Variants in AK5 observed in about 807,000 individuals in gnomAD.
AK5 encodes the protein adenylate kinase isoenzyme 5.
Under a neutral mutation model 69.5 loss-of-function variants are expected in AK5, and 27 were observed. That is an observed-to-expected ratio of 0.39 (90% CI 0.29 to 0.54). AK5 has a LOEUF of 0.54. Ranked by LOEUF, AK5 falls within the 20% of genes least tolerant of loss-of-function variation. The pLI is 0.71. For missense variants in AK5, 531 were observed against 700.4 expected (o/e 0.76, Z 2.73); for synonymous variants, 260 against 244.4 (o/e 1.06, Z -0.60).
intron 8 of AK5, among the ~76,000 whole-genome samples, chr1:77,443,765 G>T (rs1391224195): frequency 6.8e-6 from 1 of 147,596 alleles, no homozygotes; most frequent in Non-Finnish European, 1.5e-5. Flanking sequence ...TCTAAATCAA[G>T]AAAAATATTT....
rs1323848564 is a variant in AK5, at chr1:77,282,098, C to T, written c.-216C>T. 7.2e-6 allele frequency: 3 copies of T among 418,278 alleles called. No individual in the cohort carries two copies. The highest frequency in any genetic ancestry group is 2.1e-5 in the African/African-American group (1 of 48,086). 25.9% of individuals were successfully genotyped at this position (418,278 alleles called of 1,614,324 possible). ...GCAGCTCCGGCTCGGGGGCTGGAAC[C>T]GAAGCGGGGGCGGCGGGAGCGCGGA... is the stretch of plus-strand genomic sequence containing the variant. On this transcript the variant is annotated 5_prime_UTR_variant, in exon 1 of 14. Transcript: ENST00000354567.
At chr1:77,359,879 G>T (rs1646832945) in intron 6 of AK5, among the ~76,000 whole-genome samples, 1 of 152,154 alleles carries the variant, frequency 6.6e-6, no homozygotes, top group Non-Finnish European at 1.5e-5. Context: ...ATCAGAAGTT[G>T]TCCAAAGTTA....
At chr1:77,518,420 A>G in intron 10 of AK5, 144 bp from the exon 11 acceptor site, 2 of 809,700 alleles carry the variant, frequency 2.5e-6, no homozygotes, top group Admixed American at 2.8e-5. Context: ...CACCACTCTC[A>G]GCACAGCTCC....
rs1553140332 is a variant in AK5, at chr1:77,368,245, A to ATGT, written c.891+27678_891+27679insGTT. ...TATATATATATATATATATATATAT[A>ATGT]TATATATAATATATATGTTATATAT... On this transcript the variant is annotated intron_variant, in intron 6 of 13. Coordinates refer to ENST00000354567, the MANE Select transcript of AK5 (RefSeq NM_174858.3). Among the ~76,000 whole-genome samples the ATGT allele has an allele frequency of 8.8e-5, 6 of 67,910 alleles. 1 individual carries two copies. In the East Asian group the frequency reaches 4.7e-3, roughly 53 times the overall value. The allele number at this position is 67,910 out of a possible 152,430, so 44.6% of individuals were successfully genotyped here. A position where few individuals can be genotyped will look rare whatever the true frequency, so the allele number is the denominator to read the frequency against.
chr1:77,423,906 C>A (rs1179270976), intron 8 of AK5, among the ~76,000 whole-genome samples: 1 of 152,150 alleles, frequency 6.6e-6, no homozygotes, highest in Non-Finnish European at 1.5e-5. Context: ...ACTACTTTAC[C>A]AGGGCATAAC....
intron 6 of AK5, among the ~76,000 whole-genome samples, chr1:77,401,053 A>G (rs983556577): frequency 2.0e-5 from 3 of 151,654 alleles, no homozygotes; most frequent in African/African-American, 7.3e-5. Context: ...GTTCCCACCC[A>G]TCTCACTCAC....
intron 6 of AK5, among the ~76,000 whole-genome samples, chr1:77,367,804 A>AAC (rs1647012768): frequency 6.4e-5 from 1 of 15,738 alleles, no homozygotes; most frequent in African/African-American, 1.7e-4. Flanking sequence ...TGTTATATAT[A>AAC]ATATATGTTA....
chr1:77,501,590 A>T (rs986324271), intron 10 of AK5, among the ~76,000 whole-genome samples: 9 of 152,232 alleles, frequency 5.9e-5, no homozygotes, highest in Admixed American at 5.2e-4. Flanking sequence ...CATAGAAAAG[A>T]CACAGTAAAA....
At chr1:77,543,055 G>C (rs1468957387) in intron 13 of AK5, among the ~76,000 whole-genome samples, 4 of 152,216 alleles carry the variant, frequency 2.6e-5, no homozygotes, top group African/African-American at 9.7e-5. Flanking sequence ...TCTCAACTTT[G>C]TAAATAGTTT....
At chr1:77,509,833 AG>A (rs1428317641) in intron 10 of AK5, among the ~76,000 whole-genome samples, 2 of 152,218 alleles carry the variant, frequency 1.3e-5, no homozygotes, top group Non-Finnish European at 2.9e-5. Flanking sequence ...AGAGTTAGAA[AG>A]ACTTTTAAAC....
rs1468907769 is a variant in AK5, at chr1:77,556,312, T to A, written c.1621-2290T>A. On this transcript the variant is annotated intron_variant, in intron 13 of 13. Transcript: ENST00000354567. ...GATTTCGTGATAATCATTTCCTTGC[T>A]TCTCTTTATGACTTTATTGCCTATG... Among the ~76,000 whole-genome samples the A allele has an allele frequency of 2.6e-5, 4 of 152,316 alleles. No homozygotes were observed. In the East Asian group the frequency reaches 5.8e-4, roughly 22 times the overall value.
chr1:77,475,078 CAGGTGTG>C (rs1431982797), intron 8 of AK5, among the ~76,000 whole-genome samples: 1 of 151,298 alleles, frequency 6.6e-6, no homozygotes, highest in Non-Finnish European at 1.5e-5. Flanking sequence ...GCTGAGATTA[CAGGTGTG>C]AGCCACTGTG....
In AK5 at chr1:77,282,086, G is replaced by C. The variant is rs1212401257; in HGVS notation, c.-228G>C. ...TGCTCGGCGCCTGCAGCTCCGGCTC[G>C]GGGGCTGGAACCGAAGCGGGGGCGG... is the stretch of plus-strand genomic sequence containing the variant. On this transcript the variant is annotated 5_prime_UTR_variant, in exon 1 of 14. Coordinates refer to ENST00000354567, the MANE Select transcript of AK5 (RefSeq NM_174858.3). 10 of 395,324 alleles carry C rather than the reference G, an allele frequency of 2.5e-5. No individual in the cohort carries two copies. The highest frequency in any genetic ancestry group is 3.9e-5 in the East Asian group (1 of 25,630). The allele number at this position is 395,324 out of a possible 1,614,324, so 24.5% of individuals were successfully genotyped here.
chr1:77,283,135 G>A (rs1283249731), intron 1 of AK5: 1 of 985,706 alleles, frequency 1.0e-6, no homozygotes, highest in African/African-American at 1.7e-5. Context: ...CCCGGGAATG[G>A]GGGGACACTT....
chr1:77,303,641 T>C (rs1659465569), intron 5 of AK5, among the ~76,000 whole-genome samples: 3 of 152,218 alleles, frequency 2.0e-5, no homozygotes, highest in Non-Finnish European at 4.4e-5. Flanking sequence ...AGGCACATAA[T>C]GTCATAGTGT....
chr1:77,347,422 C>T (rs749918213), intron 6 of AK5, among the ~76,000 whole-genome samples: 7 of 150,962 alleles, frequency 4.6e-5, no homozygotes, highest in African/African-American at 7.3e-5. Context: ...AAGATGGTGC[C>T]GTTCTCAGAA....
intron 5 of AK5, among the ~76,000 whole-genome samples, chr1:77,311,534 A>G (rs766880412): frequency 2.6e-5 from 4 of 152,184 alleles, no homozygotes; most frequent in Admixed American, 1.3e-4. Context: ...TAAAATATCT[A>G]TAGTTCTAGT....
chr1:77,306,494 G>GTTTTTTTTTTTT (rs869202567), intron 5 of AK5, among the ~76,000 whole-genome samples: 7 of 120,360 alleles, frequency 5.8e-5, no homozygotes, highest in Admixed American at 8.7e-5. Context: ...GTTTTTTTTT[G>GTTTTTTTTTTTT]TTTTTTTTTT....
chr1:77,313,943 T>A (rs751067693), intron 5 of AK5: 1 of 498,874 alleles, frequency 2.0e-6, no homozygotes, highest in South Asian at 1.5e-5. Flanking sequence ...CTGCCACATA[T>A]CTTCCTTGAG....
Sources: allele counts gnomAD v4.1 joint callset (sites outside exome capture counted in the v4.1 genomes callset), GRCh38; gene constraint gnomAD v4.1.1; transcripts MANE v1.5; gene names NCBI Gene and HGNC (gene_info 2026-07-23, HGNC 2026-07-21).